PTPRG: variants seen among roughly 807,000 people sequenced by gnomAD.
PTPRG encodes the protein receptor-type tyrosine-protein phosphatase gamma.
Under a neutral mutation model 165.3 loss-of-function variants are expected in PTPRG, and 102 were observed. The observed-to-expected ratio is 0.62, with a 90% confidence interval of 0.53 to 0.73. PTPRG has a LOEUF of 0.73. PTPRG is among the 30% of genes least tolerant of loss of function. The probability of loss-of-function intolerance (pLI) is 0.00; values close to 1 mark genes in which losing one functional copy is unlikely to be tolerated. For synonymous variants in PTPRG, 675 were observed against 669.5 expected (o/e 1.01, Z -0.13); for missense variants, 1,866 against 1,861.4 (o/e 1.00, Z -0.05).
chr3:61,718,007 C>T (rs1022024775), intron 1 of PTPRG, among the ~76,000 whole-genome samples: 1 of 151,406 alleles, frequency 6.6e-6, no homozygotes, highest in African/African-American at 2.4e-5. Flanking sequence ...TGGTGAAACC[C>T]TGTCTCTACT....
chr3:61,905,868 A>G lies in PTPRG; in HGVS notation c.191-83757A>G, dbSNP rs78251004. Among the ~76,000 whole-genome samples the G allele has an allele frequency of 7.2e-3, 1,104 of 152,336 alleles. 13 individuals are homozygous for G. Among genetic ancestry groups the G allele is most frequent in the African/African-American group, 0.025 (1,023 of 41,564 alleles). On this transcript the variant is annotated intron_variant, in intron 2 of 29. Transcript: ENST00000474889. ...CCCAAAATACTTCTTCTCTAGATGA[A>G]ATAGACCATTCAGTATTTCATCACT...
At chr3:61,999,362 G>C (rs578083590) in intron 3 of PTPRG, among the ~76,000 whole-genome samples, 1 of 152,200 alleles carries the variant, frequency 6.6e-6, no homozygotes, top group South Asian at 2.1e-4. Context: ...ATCTCGTTTT[G>C]AAGTGCACTA....
At chr3:62,061,550 T>A (rs1048385911) in intron 4 of PTPRG, among the ~76,000 whole-genome samples, 7 of 152,170 alleles carry the variant, frequency 4.6e-5, no homozygotes, top group Admixed American at 4.6e-4. Flanking sequence ...CAAGATGCTC[T>A]CATTAATAAA....
At chr3:61,578,993 G>A (rs965394509) in intron 1 of PTPRG, among the ~76,000 whole-genome samples, 1 of 152,154 alleles carries the variant, frequency 6.6e-6, no homozygotes, top group African/African-American at 2.4e-5. Context: ...TTGAAGGGGC[G>A]CTGGAGGATC....
rs138090681 is a variant in PTPRG at position 62,036,886 on chromosome 3, G to A, written c.519+33389G>A. On this transcript the variant is annotated intron_variant, in intron 4 of 29. Transcript: ENST00000474889. The stretch of plus-strand genomic sequence containing the variant: ...TCCATTCCTCTTTGTTGTGGCTGTG[G>A]GATGACACATCTGTGCACAGCTCTG... 6.4e-3 allele frequency among the ~76,000 whole-genome samples: 969 copies of A among 152,168 alleles called. 12 individuals carry two copies. The highest frequency in any genetic ancestry group is 0.022 in the African/African-American group (913 of 41,506).
intron 8 of PTPRG, among the ~76,000 whole-genome samples, chr3:62,173,718 A>C (rs1018934134): frequency 2.6e-5 from 4 of 152,056 alleles, no homozygotes; most frequent in African/African-American, 7.2e-5. Flanking sequence ...CCAGAGCCTC[A>C]GTTGACTGAA....
In PTPRG at chr3:62,273,966, T is replaced by A; in HGVS notation, c.3465+122T>A. 1 of 931,818 alleles carries A rather than the reference T, an allele frequency of 1.1e-6. No homozygotes were observed. The highest frequency in any genetic ancestry group is 1.6e-6 in the Non-Finnish European group (1 of 625,348). The allele number at this position is 931,818 out of a possible 1,614,324, so 57.7% of individuals were successfully genotyped here. The stretch of plus-strand genomic sequence containing the variant: ...CGAAATGGATTACTATTTGTACTCC[T>A]TGTACTCCTTAAATGTGATGAAAAA... On this transcript the variant is annotated intron_variant, in intron 23 of 29. Coordinates refer to ENST00000474889, the MANE Select transcript of PTPRG (RefSeq NM_002841.4). This position sits in a 1 kb window ranked among gnomAD's most constrained non-coding sequence, Gnocchi z 4.1.
chr3:61,697,639 C>T (rs1243494513), intron 1 of PTPRG, among the ~76,000 whole-genome samples: 1 of 152,158 alleles, frequency 6.6e-6, no homozygotes, highest in African/African-American at 2.4e-5. Context: ...CCTTACCTTC[C>T]AGTATTCAGT....
intron 2 of PTPRG, among the ~76,000 whole-genome samples, chr3:61,973,198 A>G (rs1028231340): frequency 1.4e-4 from 21 of 152,208 alleles, no homozygotes; most frequent in Admixed American, 1.4e-3. Flanking sequence ...TTTATATTGC[A>G]GCTTTGTCTG....
chr3:61,825,156 A>T (rs889901404), intron 2 of PTPRG, among the ~76,000 whole-genome samples: 2 of 152,228 alleles, frequency 1.3e-5, no homozygotes, highest in Non-Finnish European at 2.9e-5. Flanking sequence ...TGAAGTCACA[A>T]AGCCTGAAGA....
chr3:61,943,065 C>A lies in PTPRG; in HGVS notation c.191-46560C>A, dbSNP rs115997487. 6.1e-3 allele frequency among the ~76,000 whole-genome samples: 931 copies of A among 152,252 alleles called. 6 individuals are homozygous for A. The highest frequency in any genetic ancestry group is 0.021 in the African/African-American group (880 of 41,538). Reference sequence around the variant, plus strand: ...TATGCTTGTTGGTCATTATAAAGTTCAAGTGAATTGTGTATAAGTCTTTGT... The same window carrying A: ...TATGCTTGTTGGTCATTATAAAGTTAAAGTGAATTGTGTATAAGTCTTTGT... On this transcript the variant is annotated intron_variant, in intron 2 of 29. Coordinates refer to ENST00000474889, the MANE Select transcript of PTPRG (RefSeq NM_002841.4).
chr3:61,845,736 T>A (rs1212798358), intron 2 of PTPRG, among the ~76,000 whole-genome samples: 1 of 152,246 alleles, frequency 6.6e-6, no homozygotes, highest in Admixed American at 6.5e-5. Context: ...TGTCTTATAA[T>A]GTATTTTCCA....
intron 2 of PTPRG, among the ~76,000 whole-genome samples, chr3:61,877,960 C>T (rs2037789720): frequency 6.6e-6 from 1 of 152,182 alleles, no homozygotes; most frequent in African/African-American, 2.4e-5. Context: ...TAGCTCCTCG[C>T]ACAATAGAGT....
chr3:62,174,999 C>CA (rs199683674), intron 8 of PTPRG, among the ~76,000 whole-genome samples: 10,274 of 151,438 alleles, frequency 0.068, 493 homozygotes, highest in Non-Finnish European at 0.1. Flanking sequence ...AGAAAGAAGA[C>CA]AAAAAAAACA....
chr3:61,959,948 G>T (rs961003006), intron 2 of PTPRG, among the ~76,000 whole-genome samples: 5 of 152,078 alleles, frequency 3.3e-5, no homozygotes, highest in Admixed American at 1.3e-4. Context: ...TCTCATCGTT[G>T]TCTTCTCCTC....
intron 4 of PTPRG, among the ~76,000 whole-genome samples, chr3:62,046,485 A>G (rs1181926735): frequency 6.6e-6 from 1 of 152,146 alleles, no homozygotes; most frequent in Non-Finnish European, 1.5e-5. Context: ...TCACTAACTG[A>G]TCATAGAATT....
chr3:61,907,932 C>CCT (rs57870370), intron 2 of PTPRG, among the ~76,000 whole-genome samples: 32 of 151,016 alleles, frequency 2.1e-4, no homozygotes, highest in Admixed American at 1.3e-3. Flanking sequence ...TTGATGCCAG[C>CCT]AACATAGCGA....
intron 1 of PTPRG, among the ~76,000 whole-genome samples, chr3:61,592,257 G>C (rs555425469): frequency 2.0e-5 from 3 of 152,102 alleles, no homozygotes; most frequent in African/African-American, 7.2e-5. Context: ...GTGAGCCACC[G>C]CGTCCAGCAG....
chr3:61,590,945 A>G (rs926458018), intron 1 of PTPRG, among the ~76,000 whole-genome samples: 1 of 152,146 alleles, frequency 6.6e-6, no homozygotes, highest in Non-Finnish European at 1.5e-5. Flanking sequence ...TACCATGTCT[A>G]TTAAAAATAC....
Sources: allele counts gnomAD v4.1 joint callset (sites outside exome capture counted in the v4.1 genomes callset), GRCh38; gene constraint gnomAD v4.1.1; non-coding constraint Gnocchi (gnomAD v3.1); transcripts MANE v1.5; gene names NCBI Gene and HGNC (gene_info 2026-07-23, HGNC 2026-07-21).